CFAP54: variants seen among roughly 807,000 people sequenced by gnomAD.
CFAP54 encodes the protein cilia- and flagella-associated protein 54.
Under a neutral mutation model 370.4 loss-of-function variants are expected in CFAP54, and 290 were observed. That is an observed-to-expected ratio of 0.78 (90% CI 0.71 to 0.86). The LOEUF (loss-of-function observed/expected upper bound fraction) is 0.86, where lower values mean the gene tolerates loss of function less well. CFAP54 is among the 40% of genes least tolerant of loss of function. CFAP54 has a pLI of 0.00. For missense variants in CFAP54, 3,399 were observed against 3,528.7 expected (o/e 0.96, Z 0.93); for synonymous variants, 1,206 against 1,236.5 (o/e 0.98, Z 0.52).
intron 13 of CFAP54, among the ~76,000 whole-genome samples, chr12:96,540,496 A>C (rs753897473): frequency 6.6e-6 from 1 of 152,194 alleles, no homozygotes; most frequent in Non-Finnish European, 1.5e-5. Flanking sequence ...GCTGCTTCAA[A>C]GGGACAGTGA....
At chr12:96,597,833 A>G (rs1403622597) in intron 25 of CFAP54, among the ~76,000 whole-genome samples, 3 of 151,920 alleles carry the variant, frequency 2.0e-5, no homozygotes, top group African/African-American at 7.2e-5. Flanking sequence ...ATGTATTTAT[A>G]TTTATATGAG....
At chr12:96,510,097 A>T (rs987298710) in intron 4 of CFAP54, among the ~76,000 whole-genome samples, 13 of 151,818 alleles carry the variant, frequency 8.6e-5, no homozygotes, top group African/African-American at 2.9e-4. Flanking sequence ...TACTAAGAAT[A>T]CAAAAATTGG....
chr12:96,845,850 G>A (rs543161891), intron 66 of CFAP54, among the ~76,000 whole-genome samples: 14 of 152,282 alleles, frequency 9.2e-5, no homozygotes, highest in Non-Finnish European at 1.9e-4. Context: ...AGAGTCTAAA[G>A]GAACTAAGAA....
chr12:96,714,079 A>G (rs948958988), intron 48 of CFAP54, among the ~76,000 whole-genome samples: 1 of 152,224 alleles, frequency 6.6e-6, no homozygotes, highest in Non-Finnish European at 1.5e-5. Flanking sequence ...AGGTTAGGCT[A>G]TGGGGTTAGG....
chr12:96,703,330 T>A (rs1957512340), intron 46 of CFAP54, among the ~76,000 whole-genome samples: 1 of 152,176 alleles, frequency 6.6e-6, no homozygotes, highest in Non-Finnish European at 1.5e-5. Flanking sequence ...AACACTTCTG[T>A]TCTTCTTTGG....
intron 60 of CFAP54, among the ~76,000 whole-genome samples, chr12:96,783,873 C>T (rs1162430780): frequency 1.3e-5 from 2 of 151,512 alleles, no homozygotes; most frequent in African/African-American, 2.4e-5. Context: ...GCAACAAAAG[C>T]GAAACTCCAT....
chr12:96,753,932 A>T, intron 56 of CFAP54, 34 bp downstream of exon 56: 3 of 1,587,500 alleles, frequency 1.9e-6, no homozygotes, highest in Non-Finnish European at 2.6e-6. Context: ...CTATGATAAA[A>T]TTTATGGAAT....
chr12:96,765,674 G>A (rs1170286121), intron 60 of CFAP54, among the ~76,000 whole-genome samples: 2 of 151,996 alleles, frequency 1.3e-5, no homozygotes, highest in Non-Finnish European at 2.9e-5. Flanking sequence ...CTGAGAGCAG[G>A]GTCTTCATAT....
chr12:96,832,282 A>AT (rs199711001), intron 66 of CFAP54, among the ~76,000 whole-genome samples: 9,839 of 129,632 alleles, frequency 0.076, 836 homozygotes, highest in African/African-American at 0.22. Flanking sequence ...AAAAAAAAAA[A>AT]ATATATATAT....
intron 66 of CFAP54, among the ~76,000 whole-genome samples, chr12:96,851,754 A>G (rs1025115585): frequency 6.6e-5 from 10 of 152,082 alleles, no homozygotes; most frequent in Admixed American, 3.3e-4. Context: ...TTTTAATAAC[A>G]GACAACTTTT....
In CFAP54 at chr12:96,554,806, G is replaced by A. The variant is rs1388739290; in HGVS notation, c.2410+4G>A. 7.8e-6 allele frequency: 12 copies of A among 1,529,654 alleles called. No homozygotes were observed. The highest frequency in any genetic ancestry group is 1.4e-5 in the African/African-American group (1 of 72,884). 94.8% of individuals were successfully genotyped at this position (1,529,654 alleles called of 1,614,324 possible). On this transcript the variant is annotated splice_donor_region_variant and intron_variant, in intron 17 of 67. Transcript: ENST00000524981. ...GTGCTTCTGGACAAATTGCAAGGTAGTAGTCACTAAAGCAAGTAACCATTC... is the reference window on the plus strand; with the variant it reads ...GTGCTTCTGGACAAATTGCAAGGTAATAGTCACTAAAGCAAGTAACCATTC...
At chr12:96,729,085 C>T (rs1251334851) in intron 50 of CFAP54, among the ~76,000 whole-genome samples, 1 of 152,146 alleles carries the variant, frequency 6.6e-6, no homozygotes, top group African/African-American at 2.4e-5. Context: ...CAGTCTGCCC[C>T]TACTGGGGGG....
rs1333335298 is a variant in CFAP54 at position 96,691,120 on chromosome 12, A to G, written c.6082-8A>G. On this transcript the variant is annotated splice_region_variant and splice_polypyrimidine_tract_variant and intron_variant, in intron 43 of 67. Transcript: ENST00000524981. ...AGCTCTTTATATTTCACTTTTTTTCATTTTCAGGGTTTGCTTAGAACAACA... is the reference window on the plus strand; with the variant it reads ...AGCTCTTTATATTTCACTTTTTTTCGTTTTCAGGGTTTGCTTAGAACAACA... 1.2e-6 allele frequency: 2 copies of G among 1,606,538 alleles called. No homozygotes were observed. The highest frequency in any genetic ancestry group is 1.7e-6 in the Non-Finnish European group (2 of 1,177,854).
Position 96,489,911 on chromosome 12 carries a change from AATTCCGCCGG to A in CFAP54, c.303_312del (p.Glu101AspfsTer28). On this transcript the variant is annotated frameshift_variant, in exon 1 of 68. Coordinates refer to ENST00000524981, the MANE Select transcript of CFAP54 (RefSeq NM_001306084.2). LOFTEE classifies it high-confidence loss of function. ...GCCACCACGGAGGAAGAGAAGCACG[AATTCCGCCGG>A]CGTTGGTAAGCGCTGGCGGGGCACT... 6.5e-7 allele frequency: 1 copy of A among 1,531,590 alleles called. No homozygotes were observed. The highest frequency in any genetic ancestry group is 8.7e-7 in the Non-Finnish European group (1 of 1,143,610). The allele number at this position is 1,531,590 out of a possible 1,614,324, so 94.9% of individuals were successfully genotyped here.
chr12:96,708,465 G>A (rs1037921310), intron 47 of CFAP54, 143 bp from the exon 48 acceptor site: 1 of 641,396 alleles, frequency 1.6e-6, no homozygotes, highest in Non-Finnish European at 2.7e-6. Flanking sequence ...GTCTCTCTCA[G>A]TAGACCTCCC....
At chr12:96,509,131 G>A (rs1955139055) in intron 4 of CFAP54, among the ~76,000 whole-genome samples, 1 of 152,202 alleles carries the variant, frequency 6.6e-6, no homozygotes, top group African/African-American at 2.4e-5. Context: ...ATTGCAGGGA[G>A]ATGCTAAACA....
At position 96,598,706 on chromosome 12, in the gene CFAP54, A is replaced by T. The variant is rs187532599; in HGVS notation, c.3578A>T (p.His1193Leu). 578 of 683,888 alleles carry T rather than the reference A, an allele frequency of 8.5e-4. 2 individuals carry two copies. In the African/African-American group the frequency reaches 8.9e-3, roughly 11 times the overall value. The allele number at this position is 683,888 out of a possible 1,614,324, so 42.4% of individuals were successfully genotyped here. A position where few individuals can be genotyped will look rare whatever the true frequency, so the allele number is the denominator to read the frequency against. The change falls in exon 26 of 68, where the codon CAT (histidine) becomes CTT (leucine). Residue 1193 changes from histidine (H) to leucine (L), a missense_variant. Physicochemically the swap from His to Leu is moderately conservative, Grantham distance 99. Around this residue, in one of 3 missense-constraint regions of CFAP54, gnomAD observed 2,796 missense variants for 2,869.7 expected, o/e 0.97. Transcript: ENST00000524981. ...GLPSIVCSKKHTASFESIQHM... is the reference protein window; with the variant it reads ...GLPSIVCSKKLTASFESIQHM... ...CCAAGTATTGTCTGCTCGAAGAAAC[A>T]TACTGCGAGCTTTGAAAGTATACAA...
At chr12:96,625,276 A>C (rs1037834593) in intron 28 of CFAP54, among the ~76,000 whole-genome samples, 1 of 152,228 alleles carries the variant, frequency 6.6e-6, no homozygotes, top group African/African-American at 2.4e-5. Flanking sequence ...TAACTTTCCA[A>C]GGTTTCATAA....
At chr12:96,559,525 A>G (rs1212406553) in intron 17 of CFAP54, among the ~76,000 whole-genome samples, 1 of 152,106 alleles carries the variant, frequency 6.6e-6, no homozygotes, top group Non-Finnish European at 1.5e-5. Context: ...CTTCACCTAA[A>G]TCCACCAATC....
Sources: allele counts gnomAD v4.1 joint callset (sites outside exome capture counted in the v4.1 genomes callset), GRCh38; gene constraint gnomAD v4.1.1; regional missense constraint gnomAD v4.1.1; transcripts MANE v1.5; gene names NCBI Gene and HGNC (gene_info 2026-07-23, HGNC 2026-07-21).